Variants in PCNX1 observed in about 807,000 individuals in gnomAD.
The protein encoded by PCNX1 is pecanex-like protein 1.
In PCNX1, 78 loss-of-function variants were observed where a neutral mutation model predicts 242.2. That is an observed-to-expected ratio of 0.32 (90% confidence interval 0.27 to 0.39). The LOEUF is 0.39. PCNX1 is among the 10% of genes least tolerant of loss of function. PCNX1 has a pLI of 1.00. For missense variants in PCNX1, 2,581 were observed against 2,856.5 expected (o/e 0.90, Z 2.20); for synonymous variants, 1,024 against 1,032.9 (o/e 0.99, Z 0.17).
At chr14:70,970,329 G>A (rs772917909) in intron 5 of PCNX1, among the ~76,000 whole-genome samples, 1 of 151,948 alleles carries the variant, frequency 6.6e-6, no homozygotes, top group Non-Finnish European at 1.5e-5. Context: ...TAGTGCCACC[G>A]CACTCCAGCC....
intron 1 of PCNX1, among the ~76,000 whole-genome samples, chr14:70,939,637 G>A (rs1385355505): frequency 6.6e-6 from 1 of 152,198 alleles, no homozygotes; most frequent in Non-Finnish European, 1.5e-5. Flanking sequence ...TTCTGTAGAT[G>A]TCTATTAGGT....
Position 71,008,407 on chromosome 14 carries a change from A to G in PCNX1, c.2630-1227A>G, listed in dbSNP as rs141231745. The stretch of plus-strand genomic sequence containing the variant: ...CGCAGTGGCTCACGCCTGTAATCCT[A>G]GTACTTTGGGAGGCTGAGGCAGGTG... On this transcript the variant is annotated intron_variant, in intron 8 of 35. Transcript: ENST00000304743. 4.8e-3 allele frequency among the ~76,000 whole-genome samples: 733 copies of G among 152,212 alleles called. 10 individuals carry two copies. The highest frequency in any genetic ancestry group is 0.016 in the African/African-American group (669 of 41,528).
chr14:70,980,210 TA>T (rs2058797936), intron 6 of PCNX1, among the ~76,000 whole-genome samples: 1 of 152,108 alleles, frequency 6.6e-6, no homozygotes, highest in South Asian at 2.1e-4. Flanking sequence ...CGTTTATATT[TA>T]AAATGTCATT....
chr14:70,946,281 A>G (rs147948467), intron 1 of PCNX1, among the ~76,000 whole-genome samples: 23 of 152,362 alleles, frequency 1.5e-4, no homozygotes, highest in African/African-American at 4.6e-4. Flanking sequence ...TCACAGTTCT[A>G]AGGTCATTCT....
At chr14:71,073,487 T>C in intron 26 of PCNX1, 58 bp from the exon 27 acceptor site, 1 of 1,507,142 alleles carries the variant, frequency 6.6e-7, no homozygotes, top group Admixed American at 1.9e-5. Flanking sequence ...TGTCCTTGCA[T>C]TCATTTTTCC....
At chr14:71,066,688 G>A (rs2061455751) in intron 26 of PCNX1, among the ~76,000 whole-genome samples, 1 of 152,140 alleles carries the variant, frequency 6.6e-6, no homozygotes, top group Non-Finnish European at 1.5e-5. Context: ...TCTTGTGCTG[G>A]TTTTCAAAGG....
rs1566776956 is a variant in PCNX1, at chr14:71,073,770, G to A, written c.5078G>A (p.Arg1693Gln). 6 of 1,609,082 alleles carry A rather than the reference G, an allele frequency of 3.7e-6. No individual in the cohort carries two copies. Among genetic ancestry groups the A allele is most frequent in the Middle Eastern group, 1.7e-4 (1 of 6,046 alleles). ...TCTATGCTTCAAGTCTTTGATCTTC[G>A]GAAAGTACTCACCACTTACTATGTC... ...AASMLQVFDL[R>Q]KVLTTYYVKG... The change falls in exon 27 of 36, where the codon CGG (arginine) becomes CAG (glutamine). Residue 1693 changes from arginine (R) to glutamine (Q), a missense_variant. Transcript: ENST00000304743.
chr14:70,932,831 C>G (rs183179830), intron 1 of PCNX1, among the ~76,000 whole-genome samples: 1 of 152,078 alleles, frequency 6.6e-6, no homozygotes, highest in Non-Finnish European at 1.5e-5. Flanking sequence ...AGGCTGGTCT[C>G]GAACTCCCGA....
At chr14:70,994,394 A>AATATATATATATATATATAT (rs1555357262) in intron 7 of PCNX1, among the ~76,000 whole-genome samples, 1 of 44,742 alleles carries the variant, frequency 2.2e-5, no homozygotes, top group African/African-American at 9.2e-5. Flanking sequence ...CCACAGGCTT[A>AATATATATATATATATATAT]AGATATATAT....
chr14:70,968,237 A>G lies in PCNX1; in HGVS notation c.508A>G (p.Ile170Val), dbSNP rs1411753919. 3.7e-6 allele frequency: 6 copies of G among 1,612,318 alleles called. No individual in the cohort carries two copies. The highest frequency in any genetic ancestry group is 4.2e-6 in the Non-Finnish European group (5 of 1,178,454). The change falls in exon 4 of 36, where the codon ATT becomes GTT. Residue 170 changes from isoleucine (I) to valine (V), a missense_variant. By Grantham distance (29) the Ile-to-Val change is conservative. Coordinates refer to ENST00000304743, the MANE Select transcript of PCNX1 (RefSeq NM_014982.3). ...CTCGCGTCTTGGAACAGCAGCAACT[A>G]TTAAAGGTAGGTGTGATCTAACTTA... Reference protein sequence around the residue: ...GSSRLGTAATIKGDTDTAKTS... With the variant: ...GSSRLGTAATVKGDTDTAKTS...
chr14:70,920,849 T>C (rs561385349), intron 1 of PCNX1, among the ~76,000 whole-genome samples: 3 of 152,186 alleles, frequency 2.0e-5, no homozygotes, highest in Non-Finnish European at 2.9e-5. Flanking sequence ...CAGAGGATAT[T>C]CATACATTCA....
intron 2 of PCNX1, among the ~76,000 whole-genome samples, chr14:70,947,616 G>A (rs2057511153): frequency 6.6e-6 from 1 of 152,068 alleles, no homozygotes. Flanking sequence ...TTCTTCTTAA[G>A]CTGAGGATGT....
intron 2 of PCNX1, among the ~76,000 whole-genome samples, chr14:70,947,963 A>G (rs1004233643): frequency 2.6e-5 from 4 of 152,178 alleles, no homozygotes; most frequent in Non-Finnish European, 5.9e-5. Context: ...GGGATGAAAT[A>G]TGCCCTGGTC....
At chr14:71,073,515 C>A (rs749318807) in intron 26 of PCNX1, 30 bp from the exon 27 acceptor site, 12 of 1,562,472 alleles carry the variant, frequency 7.7e-6, no homozygotes, top group African/African-American at 1.4e-5. Context: ...TGGTTTTCCC[C>A]CTTTGTAAAG....
intron 12 of PCNX1, among the ~76,000 whole-genome samples, chr14:71,020,648 G>A (rs972672887): frequency 3.9e-5 from 6 of 151,912 alleles, no homozygotes; most frequent in Non-Finnish European, 8.8e-5. Context: ...GTAAATTTAA[G>A]TTCCTTGTAG....
At chr14:71,022,561 T>C (rs987465785) in intron 12 of PCNX1, among the ~76,000 whole-genome samples, 5 of 152,126 alleles carry the variant, frequency 3.3e-5, no homozygotes, top group Non-Finnish European at 7.4e-5. Context: ...AGTGAAATTG[T>C]ATGGTATGCC....
intron 1 of PCNX1, among the ~76,000 whole-genome samples, chr14:70,942,387 A>G (rs1050948878): frequency 6.6e-6 from 1 of 152,252 alleles, no homozygotes; most frequent in African/African-American, 2.4e-5. Context: ...GATTTAAATT[A>G]TCTGACAAAT....
rs141466756 is a variant in PCNX1 at position 71,095,560 on chromosome 14, C to T, written c.5589+6218C>T. On this transcript the variant is annotated intron_variant, in intron 30 of 35. Coordinates refer to ENST00000304743, the MANE Select transcript of PCNX1 (RefSeq NM_014982.3). ...TTGTATAGTATCCCCAAAAACCAAT[C>T]GTTGCCAGTAATTTGATATATCTTT... is the stretch of plus-strand genomic sequence containing the variant. 2.4e-3 allele frequency among the ~76,000 whole-genome samples: 371 copies of T among 152,298 alleles called. 1 individual carries two copies. Among genetic ancestry groups the T allele is most frequent in the African/African-American group, 8.6e-3 (358 of 41,568 alleles).
At chr14:71,054,732 G>A (rs1027289015) in intron 24 of PCNX1, among the ~76,000 whole-genome samples, 1 of 152,132 alleles carries the variant, frequency 6.6e-6, no homozygotes, top group Admixed American at 6.6e-5. Flanking sequence ...ACTTCAGAAG[G>A]CAGCAGAAGT....
Sources: gnomAD v4.1 joint callset for allele counts (sites outside exome capture counted in the v4.1 genomes callset) on GRCh38, gnomAD v4.1.1 for gene constraint, MANE v1.5 for transcripts, NCBI Gene and HGNC (gene_info 2026-07-23, HGNC 2026-07-21) for gene names.